The following CXCL13 variants were observed in gnomAD, a reference collection of about 807,000 sequenced individuals.
CXCL13 encodes the protein C-X-C motif chemokine 13.
In CXCL13, 7 loss-of-function variants were observed where a neutral mutation model predicts 12.2. That is an observed-to-expected ratio of 0.57 (90% CI 0.33 to 1.07). The LOEUF (loss-of-function observed/expected upper bound fraction) is 1.07, where lower values mean the gene tolerates loss of function less well. CXCL13 is among the 50% of genes least tolerant of loss of function. CXCL13 has a pLI of 0.04. For synonymous variants in CXCL13, 47 were observed against 42.4 expected, an observed-to-expected ratio of 1.11 and a Z score of -0.42; for missense variants, 113 against 127.4, an observed-to-expected ratio of 0.89 and a Z score of 0.55.
chr4:77,609,437 C>T (rs1482632981), intron 2 of CXCL13, among the ~76,000 whole-genome samples: 2 of 151,916 alleles, frequency 1.3e-5, no homozygotes, highest in Non-Finnish European at 2.9e-5. Flanking sequence ...CTCAGCCTCC[C>T]GAGTAGCTGG....
At chr4:77,520,817 G>C (rs1315396456) in intron 1 of CXCL13, among the ~76,000 whole-genome samples, 2 of 152,156 alleles carry the variant, frequency 1.3e-5, no homozygotes, top group African/African-American at 2.4e-5. Flanking sequence ...AATGCTTCCA[G>C]TTTTTGCCCA....
chr4:77,594,673 A>G (rs990067291), intron 1 of CXCL13, among the ~76,000 whole-genome samples: 4 of 151,928 alleles, frequency 2.6e-5, no homozygotes, highest in Admixed American at 2.6e-4. Flanking sequence ...ACATTCAACA[A>G]CCTCATTTTG....
chr4:77,565,866 C>T (rs766340926), intron 1 of CXCL13, among the ~76,000 whole-genome samples: 1 of 152,162 alleles, frequency 6.6e-6, no homozygotes, highest in Non-Finnish European at 1.5e-5. Flanking sequence ...AACTGCATTT[C>T]CCTAGGTGGA....
At chr4:77,554,135 A>T (rs1725600647) in intron 1 of CXCL13, among the ~76,000 whole-genome samples, 1 of 152,208 alleles carries the variant, frequency 6.6e-6, no homozygotes. Flanking sequence ...TCATGAAGTT[A>T]TTCTCTTTCT....
In CXCL13 at chr4:77,550,503, C is replaced by CT. The variant is rs142752102; in HGVS notation, c.-43+38722dup. Among the ~76,000 whole-genome samples the CT allele has an allele frequency of 2.2e-3, 330 of 152,266 alleles. 12 individuals are homozygous for CT. In the East Asian group the frequency reaches 0.051, roughly 24 times the overall value. On this transcript the variant is annotated intron_variant, in intron 1 of 4. Transcript: ENST00000286758. ...CCATCTGGGAACAATCCCAATTTCC[C>CT]TTTTTTTAAACTTACTGAGCCTTGT...
intron 1 of CXCL13, among the ~76,000 whole-genome samples, chr4:77,553,082 G>A (rs1725572128): frequency 6.6e-6 from 1 of 152,172 alleles, no homozygotes; most frequent in South Asian, 2.1e-4. Context: ...CTGCATCACG[G>A]TCTTAGGGTA....
chr4:77,587,121 C>T (rs1726492712), intron 1 of CXCL13, among the ~76,000 whole-genome samples: 1 of 152,194 alleles, frequency 6.6e-6, no homozygotes, highest in South Asian at 2.1e-4. Context: ...GCAGCCCAGA[C>T]ATCCCTTGTC....
chr4:77,573,661 G>C (rs1726145123), intron 1 of CXCL13, among the ~76,000 whole-genome samples: 1 of 151,774 alleles, frequency 6.6e-6, no homozygotes, highest in African/African-American at 2.4e-5. Flanking sequence ...TTTAAAGTAT[G>C]GTTTAAAATA....
chr4:77,525,246 A>G (rs1335038632), intron 1 of CXCL13, among the ~76,000 whole-genome samples: 1 of 152,250 alleles, frequency 6.6e-6, no homozygotes, highest in Non-Finnish European at 1.5e-5. Flanking sequence ...GTCTCAGAGC[A>G]CACCGACTGA....
At chr4:77,545,609 C>T (rs912913137) in intron 1 of CXCL13, among the ~76,000 whole-genome samples, 1 of 152,168 alleles carries the variant, frequency 6.6e-6, no homozygotes, top group African/African-American at 2.4e-5. Flanking sequence ...TATCCTGAGA[C>T]TTTGCTGAAG....
chr4:77,566,241 G>A (rs1725922247), intron 1 of CXCL13, among the ~76,000 whole-genome samples: 1 of 152,160 alleles, frequency 6.6e-6, no homozygotes, highest in Non-Finnish European at 1.5e-5. Flanking sequence ...AGCCTAACTA[G>A]AAAATACACA....
intron 1 of CXCL13, among the ~76,000 whole-genome samples, chr4:77,539,610 A>T (rs546602022): frequency 6.6e-6 from 1 of 152,122 alleles, no homozygotes; most frequent in Non-Finnish European, 1.5e-5. Context: ...TTCTTCTTTT[A>T]CCAGTTGAAT....
At chr4:77,559,291 A>T (rs1725743867) in intron 1 of CXCL13, among the ~76,000 whole-genome samples, 2 of 152,320 alleles carry the variant, frequency 1.3e-5, no homozygotes, top group South Asian at 4.1e-4. Context: ...GACTGGGCAG[A>T]GGAAGAAATT....
chr4:77,584,275 C>T (rs187047688), intron 1 of CXCL13, among the ~76,000 whole-genome samples: 1 of 152,342 alleles, frequency 6.6e-6, no homozygotes, highest in African/African-American at 2.4e-5. Flanking sequence ...ACTCCTCTCA[C>T]ATCACAGTTC....
At chr4:77,534,310 T>A (rs1416848545) in intron 1 of CXCL13, among the ~76,000 whole-genome samples, 1 of 152,224 alleles carries the variant, frequency 6.6e-6, no homozygotes, top group Non-Finnish European at 1.5e-5. Context: ...TTCTAATAGC[T>A]TCATTTGTAA....
upstream of CXCL13, among the ~76,000 whole-genome samples, chr4:77,601,823 A>C (rs1166971396): frequency 6.6e-6 from 1 of 152,230 alleles, no homozygotes; most frequent in Admixed American, 6.5e-5. Context: ...GATGTTACTG[A>C]TACTGGTGGC....
chr4:77,553,428 G>A (rs1258344678), intron 1 of CXCL13, among the ~76,000 whole-genome samples: 1 of 152,192 alleles, frequency 6.6e-6, no homozygotes, highest in Non-Finnish European at 1.5e-5. Flanking sequence ...TTCCAGGTCT[G>A]GAAAAATGCT....
chr4:77,543,211 A>C (rs1181270820), intron 1 of CXCL13, among the ~76,000 whole-genome samples: 1 of 151,794 alleles, frequency 6.6e-6, no homozygotes, highest in Non-Finnish European at 1.5e-5. Context: ...TTGTAAGGTC[A>C]CTTTTGTCAT....
intron 1 of CXCL13, among the ~76,000 whole-genome samples, chr4:77,594,564 C>T (rs548902310): frequency 1.3e-5 from 2 of 150,736 alleles, no homozygotes; most frequent in South Asian, 4.1e-4. Flanking sequence ...TGTCACAAAT[C>T]CCAGGCACAG....
Sources: allele counts gnomAD v4.1 joint callset (sites outside exome capture counted in the v4.1 genomes callset), GRCh38; gene constraint gnomAD v4.1.1; transcripts MANE v1.5; gene names NCBI Gene and HGNC (gene_info 2026-07-23, HGNC 2026-07-21).